FBXO9: variants seen among roughly 807,000 people sequenced by gnomAD.
The protein encoded by FBXO9 is F-box only protein 9.
In FBXO9, 43 loss-of-function variants were observed where a neutral mutation model predicts 63.7. The ratio of observed to expected loss-of-function variants is 0.67; its 90% CI spans 0.53 to 0.87. FBXO9 has a LOEUF of 0.87. Ranked by LOEUF, FBXO9 falls within the 40% of genes least tolerant of loss-of-function variation. The pLI is 0.00. For missense variants in FBXO9, 442 were observed against 533.2 expected (o/e 0.83, Z 1.68); for synonymous variants, 156 against 171.7 (o/e 0.91, Z 0.72).
intron 7 of FBXO9, among the ~76,000 whole-genome samples, chr6:53,084,747 G>T (rs1408362085): frequency 1.3e-5 from 2 of 152,106 alleles, no homozygotes; most frequent in African/African-American, 2.4e-5. Flanking sequence ...ACAGTCCGGT[G>T]TACGTGTGGA....
At chr6:53,094,415 A>C (rs936986065) in intron 11 of FBXO9, among the ~76,000 whole-genome samples, 3 of 152,190 alleles carry the variant, frequency 2.0e-5, no homozygotes, top group Non-Finnish European at 2.9e-5. Context: ...TCCTGTTCTT[A>C]AAAAAGGAAA....
At chr6:53,093,621 G>T in intron 10 of FBXO9, 60 bp downstream of exon 10, 3 of 1,269,126 alleles carry the variant, frequency 2.4e-6, no homozygotes, top group Non-Finnish European at 3.4e-6. Flanking sequence ...GTTCCTTGCA[G>T]GTTAAAGTAA....
chr6:53,094,233 C>T (rs1763139547), intron 11 of FBXO9, among the ~76,000 whole-genome samples: 1 of 152,118 alleles, frequency 6.6e-6, no homozygotes, highest in Non-Finnish European at 1.5e-5. Flanking sequence ...GCTGAAATCT[C>T]TTGTGAAATA....
intron 1 of FBXO9, among the ~76,000 whole-genome samples, chr6:53,070,452 A>AT (rs1267148659): frequency 6.6e-6 from 1 of 152,218 alleles, no homozygotes; most frequent in Non-Finnish European, 1.5e-5. Flanking sequence ...TTGTTACTTT[A>AT]TATTACACAG....
Position 53,076,562 on chromosome 6 carries a change from G to C in FBXO9, c.307+19G>C, listed in dbSNP as rs1769117902. 1 of 1,496,980 alleles carries C rather than the reference G, an allele frequency of 6.7e-7. No homozygotes were observed. The highest frequency in any genetic ancestry group is 8.9e-7 in the Non-Finnish European group (1 of 1,129,634). The allele number at this position is 1,496,980 out of a possible 1,614,324, so 92.7% of individuals were successfully genotyped here. On this transcript the variant is annotated intron_variant, in intron 4 of 12. Transcript: ENST00000323557. ...TATGAAGGTAAAAATTCAGAGCCCA[G>C]GTTCATATCATAACATTTCTGAATA...
chr6:53,065,972 C>T (rs1007146368), intron 1 of FBXO9, 180 bp downstream of exon 1: 1 of 1,163,642 alleles, frequency 8.6e-7, no homozygotes, highest in Admixed American at 4.2e-5. Flanking sequence ...GGGGTGCCAA[C>T]CCTGGCTTCT....
chr6:53,067,234 C>T (rs1356384608), intron 1 of FBXO9, among the ~76,000 whole-genome samples: 31 of 152,110 alleles, frequency 2.0e-4, no homozygotes, highest in East Asian at 1.9e-4. Context: ...ATCACCATAC[C>T]TCTTTATAGA....
upstream of FBXO9, chr6:53,065,087 G>A (rs1271832149): frequency 1.3e-5 from 2 of 152,258 alleles, no homozygotes; most frequent in East Asian, 3.9e-4. Context: ...TTCCTGGCGC[G>A]GGACTCTAGC....
At chr6:53,075,401 G>C (rs560218876) in intron 3 of FBXO9, among the ~76,000 whole-genome samples, 6 of 151,210 alleles carry the variant, frequency 4.0e-5, no homozygotes, top group African/African-American at 1.2e-4. Context: ...GGGTGCGGTG[G>C]CTCACTTCTG....
At chr6:53,066,248 C>G in intron 1 of FBXO9, 1 of 576,504 alleles carries the variant, frequency 1.7e-6, no homozygotes. Flanking sequence ...ACCGACAGTC[C>G]CTGCCGGCAC....
At chr6:53,078,928 CAT>C (rs1486178495) in intron 5 of FBXO9, 30 bp downstream of exon 5, 2 of 1,525,048 alleles carry the variant, frequency 1.3e-6, no homozygotes, top group Admixed American at 1.7e-5. Context: ...GATAGTAATG[CAT>C]AGAGTTTGTT....
intron 1 of FBXO9, chr6:53,066,127 CA>C (rs1581800964): frequency 3.0e-5 from 34 of 1,129,156 alleles, no homozygotes; most frequent in Non-Finnish European, 3.7e-5. Flanking sequence ...GGGATTTTAT[CA>C]GAAGCATTGA....
intron 5 of FBXO9, among the ~76,000 whole-genome samples, chr6:53,080,335 T>C (rs1289900174): frequency 2.0e-5 from 3 of 151,874 alleles, no homozygotes; most frequent in African/African-American, 7.3e-5. Context: ...TAAGTCTACA[T>C]CACTTGAAAC....
At chr6:53,090,124 G>A (rs1004965775) in intron 7 of FBXO9, among the ~76,000 whole-genome samples, 1 of 152,136 alleles carries the variant, frequency 6.6e-6, no homozygotes, top group Non-Finnish European at 1.5e-5. Context: ...CATTAACAAG[G>A]GTAATGCCAG....
chr6:53,065,851 G>A (rs1483320617), intron 1 of FBXO9, 59 bp downstream of exon 1: 2 of 1,284,078 alleles, frequency 1.6e-6, no homozygotes, highest in African/African-American at 1.5e-5. Context: ...GGTGTGCAGA[G>A]GGGCCGGGCC....
At chr6:53,085,403 A>G (rs1430950669) in intron 7 of FBXO9, among the ~76,000 whole-genome samples, 1 of 152,186 alleles carries the variant, frequency 6.6e-6, no homozygotes, top group Non-Finnish European at 1.5e-5. Flanking sequence ...AGAGAATTCA[A>G]AATAATAATT....
chr6:53,095,454 C>G (rs1018931145), intron 11 of FBXO9, 59 bp from the exon 12 acceptor site: 213 of 1,457,566 alleles, frequency 1.5e-4, no homozygotes, highest in Admixed American at 3.2e-4. Flanking sequence ...CATACTATTT[C>G]TGTAAACATA....
intron 7 of FBXO9, among the ~76,000 whole-genome samples, chr6:53,083,219 T>G (rs1294337687): frequency 1.3e-5 from 2 of 152,198 alleles, no homozygotes; most frequent in African/African-American, 4.8e-5. Flanking sequence ...AAACAACTTG[T>G]TCTTAAAATT....
rs780285187 is a variant in FBXO9 at position 53,092,481 on chromosome 6, A to G, written c.706A>G (p.Ile236Val). The G allele has an allele frequency of 7.4e-6, 12 of 1,613,920 alleles. No homozygotes were observed. Among genetic ancestry groups the G allele is most frequent in the South Asian group, 2.2e-5 (2 of 91,088 alleles). Residue 236 changes from isoleucine (I) to valine (V), a missense_variant, in exon 8 of 13, where the codon ATT becomes GTT. By Grantham distance (29) the Ile-to-Val change is conservative. Transcript: ENST00000323557. ...CTTGAAAGTTTGGGGCAGAAGCTGT[A>G]TTAAACTTGTTCCGTACACGTCCTG... is the stretch of plus-strand genomic sequence containing the variant. ...ACLKVWGRSC[I>V]KLVPYTSWRE...
Sources: gnomAD v4.1 joint callset for allele counts (sites outside exome capture counted in the v4.1 genomes callset) on GRCh38, gnomAD v4.1.1 for gene constraint, MANE v1.5 for transcripts, NCBI Gene and HGNC (gene_info 2026-07-23, HGNC 2026-07-21) for gene names.